Variants in C9orf50 observed in about 807,000 individuals in gnomAD.
C9orf50 encodes the protein chromosome 9 open reading frame 50, also known as uncharacterized protein C9orf50.
A neutral mutation model predicts 42.5 loss-of-function variants in C9orf50; 33 were observed. The ratio of observed to expected loss-of-function variants is 0.78; its 90% CI spans 0.59 to 1.04. C9orf50 has a LOEUF of 1.04. Among genes scored for constraint, C9orf50 ranks in the 50% least tolerant of loss-of-function variants. C9orf50 has a pLI of 0.00. For synonymous variants in C9orf50, 257 were observed against 273.4 expected (o/e 0.94, Z 0.59); for missense variants, 547 against 594.3 (o/e 0.92, Z 0.83).
chr9:129,613,783 T>C lies in C9orf50; in HGVS notation c.881-186A>G, dbSNP rs1399682695. Among the ~76,000 whole-genome samples, 2 of 152,144 alleles carry C rather than the reference T, an allele frequency of 1.3e-5. No homozygotes were observed. On this transcript the variant is annotated intron_variant, in intron 4 of 6. Coordinates refer to ENST00000372478, the Ensembl canonical transcript of C9orf50. The surrounding 1 kb of genome is among the most constrained non-coding windows in gnomAD (Gnocchi z 6.2). The stretch of plus-strand genomic sequence containing the variant: ...GTTTTAAAACCACCTTGCGTGACCA[T>C]TTCTGTTATACCCAAGCTGTGCCCC...
intron 4 of C9orf50, among the ~76,000 whole-genome samples, chr9:129,615,010 G>A (rs960873782): frequency 6.6e-6 from 1 of 152,248 alleles, no homozygotes; most frequent in African/African-American, 2.4e-5. Context: ...AGTGCCAACT[G>A]TCTCCAGGAG....
chr9:129,620,695 G>T lies in C9orf50; in HGVS notation c.-121C>A. 1.1e-6 allele frequency: 1 copy of T among 926,434 alleles called. No individual in the cohort carries two copies. Among genetic ancestry groups the T allele is most frequent in the Non-Finnish European group, 1.4e-6 (1 of 709,680 alleles). The allele number at this position is 926,434 out of a possible 1,614,324, so 57.4% of individuals were successfully genotyped here. On this transcript the variant is annotated 5_prime_UTR_variant, in exon 1 of 7. Coordinates refer to ENST00000372478, the Ensembl canonical transcript of C9orf50. This position sits in a 1 kb window ranked among gnomAD's most constrained non-coding sequence, Gnocchi z 5.8. ...TGCCCCGGGCGGGGCAGCGCGGTGC[G>T]GGGTGAACGCCACCGGCCCGGCGGA... is the stretch of plus-strand genomic sequence containing the variant.
chr9:129,613,728 G>T lies in C9orf50; in HGVS notation c.881-131C>A. The T allele has an allele frequency of 8.6e-7, 1 of 1,157,234 alleles. No homozygotes were observed. Among genetic ancestry groups the T allele is most frequent in the South Asian group, 1.5e-5 (1 of 67,078 alleles). The allele number at this position is 1,157,234 out of a possible 1,614,324, so 71.7% of individuals were successfully genotyped here. On this transcript the variant is annotated intron_variant, in intron 4 of 6. Transcript: ENST00000372478. This position sits in a 1 kb window ranked among gnomAD's most constrained non-coding sequence, Gnocchi z 6.2. ...CCATGGCAACCCCAGGCTCCCCAGC[G>T]CCTTCTGGCTGCCTCCAGAGAAGCC... is the stretch of plus-strand genomic sequence containing the variant.
rs1830199678 is a variant in C9orf50 at position 129,613,651 on chromosome 9, CCCCA to C, written c.881-58_881-55del. ...CTGCCCAGGAGGAGGGCACTGGTGC[CCCCA>C]CCCTCTTTTCCTCCCTCTGGCAGGC... On this transcript the variant is annotated intron_variant, in intron 4 of 6. Coordinates refer to ENST00000372478, the Ensembl canonical transcript of C9orf50. This position sits in a 1 kb window ranked among gnomAD's most constrained non-coding sequence, Gnocchi z 6.2. 6.2e-7 allele frequency: 1 copy of C among 1,604,690 alleles called. No homozygotes were observed. Among genetic ancestry groups the C allele is most frequent in the Admixed American group, 1.7e-5 (1 of 59,668 alleles).
At chr9:129,615,990 C>T (rs757654496) in intron 3 of C9orf50, among the ~76,000 whole-genome samples, 4 of 152,190 alleles carry the variant, frequency 2.6e-5, no homozygotes, top group Admixed American at 6.5e-5. Flanking sequence ...GAGCTGGCGC[C>T]CTCGCACGTA....
At position 129,617,107 on chromosome 9, in the gene C9orf50, C is replaced by T. The variant is rs900968420; in HGVS notation, c.717-1460G>A. Among the ~76,000 whole-genome samples the T allele has an allele frequency of 3.9e-5, 6 of 152,148 alleles. No homozygotes were observed. The South Asian group carries it at 8.3e-4, about 21-fold the overall frequency. Reference sequence around the variant, plus strand: ...AAAATCAGCCTCAAGGGCAAGGCTGCGGGAAGGCCTGCTTGACCCACCTAT... The same window carrying T: ...AAAATCAGCCTCAAGGGCAAGGCTGTGGGAAGGCCTGCTTGACCCACCTAT... On this transcript the variant is annotated intron_variant, in intron 3 of 6. Transcript: ENST00000372478.
At chr9:129,612,385 G>A in exon 7 of C9orf50, 1 of 1,613,538 alleles carries the variant, frequency 6.2e-7, no homozygotes, top group Non-Finnish European at 8.5e-7. Flanking sequence ...GAGGCCAGGA[G>A]GAGATGGTAC....
rs748854577 is a variant in C9orf50, at chr9:129,613,303, C to T, written c.1044-52G>A. On this transcript the variant is annotated intron_variant, in intron 5 of 6. Coordinates refer to ENST00000372478, the Ensembl canonical transcript of C9orf50. This position sits in a 1 kb window ranked among gnomAD's most constrained non-coding sequence, Gnocchi z 6.2. The stretch of plus-strand genomic sequence containing the variant: ...TCCTGGACTCTGAGTCCCCGGCCCA[C>T]CCATGGCTGGCAGGGCCCTTGAGGA... 1.9e-6 allele frequency: 3 copies of T among 1,568,338 alleles called. No individual in the cohort carries two copies. Among genetic ancestry groups the T allele is most frequent in the Non-Finnish European group, 2.6e-6 (3 of 1,155,780 alleles).
intron 3 of C9orf50, among the ~76,000 whole-genome samples, chr9:129,617,899 G>A (rs1234332855): frequency 6.6e-6 from 1 of 152,240 alleles, no homozygotes; most frequent in East Asian, 1.9e-4. Context: ...ACCAAGGCTG[G>A]TCTCAAACTC....
intron 3 of C9orf50, among the ~76,000 whole-genome samples, chr9:129,617,075 G>GA (rs61602308): frequency 4.5e-4 from 68 of 150,344 alleles, no homozygotes; most frequent in South Asian, 2.7e-3. Flanking sequence ...CAAAAAAAAA[G>GA]AAAAAAAAAA....
In C9orf50 at chr9:129,620,212, A is replaced by G. The variant is rs1461103055; in HGVS notation, c.363T>C (p.Pro121=). 1.4e-6 allele frequency: 2 copies of G among 1,382,378 alleles called. No individual in the cohort carries two copies. The highest frequency in any genetic ancestry group is 5.7e-5 in the East Asian group (2 of 34,840). 85.6% of individuals were successfully genotyped at this position (1,382,378 alleles called of 1,614,324 possible). A position where few individuals can be genotyped will look rare whatever the true frequency, so the allele number is the denominator to read the frequency against. The change falls in exon 1 of 7, where the codon CCT becomes CCC. Residue 121 remains proline (P), a synonymous_variant. Transcript: ENST00000372478. This position sits in a 1 kb window ranked among gnomAD's most constrained non-coding sequence, Gnocchi z 5.8. Reference sequence around the variant, plus strand: ...GCCTCCGGGGGCGCTCGCGCTCTCCAGGCCCTGGCTGCCTGGGCGCCGATT... The same window carrying G: ...GCCTCCGGGGGCGCTCGCGCTCTCCGGGCCCTGGCTGCCTGGGCGCCGATT...
In C9orf50 at chr9:129,613,335, C is replaced by T. The variant is rs1830178180; in HGVS notation, c.1044-84G>A. On this transcript the variant is annotated intron_variant, in intron 5 of 6. Transcript: ENST00000372478. This position sits in a 1 kb window ranked among gnomAD's most constrained non-coding sequence, Gnocchi z 6.2. ...CTGGCAGGGCCCTTGAGGACCCACACTGGCAACCCGCCTGCTGCTGGGTGG... is the reference window on the plus strand; with the variant it reads ...CTGGCAGGGCCCTTGAGGACCCACATTGGCAACCCGCCTGCTGCTGGGTGG... The T allele has an allele frequency of 6.4e-7, 1 of 1,566,460 alleles. No homozygotes were observed. The highest frequency in any genetic ancestry group is 8.7e-7 in the Non-Finnish European group (1 of 1,155,002).
rs1193235895 is a variant in C9orf50, at chr9:129,620,071, T to C, written c.504A>G (p.Pro168=). Residue 168 remains proline (P), a synonymous_variant, in exon 1 of 7, where the codon CCA becomes CCG. Transcript: ENST00000372478. The surrounding 1 kb of genome is among the most constrained non-coding windows in gnomAD (Gnocchi z 5.8). Reference sequence around the variant, plus strand: ...CCGGGCCCCGCGGGGCCTCACTCAGTGGCTCCGGCTCCTCGGCGCACTTCT... The same window carrying C: ...CCGGGCCCCGCGGGGCCTCACTCAGCGGCTCCGGCTCCTCGGCGCACTTCT... 32 of 1,449,474 alleles carry C rather than the reference T, an allele frequency of 2.2e-5. No individual in the cohort carries two copies. The highest frequency in any genetic ancestry group is 2.9e-5 in the Non-Finnish European group (32 of 1,099,320). The allele number at this position is 1,449,474 out of a possible 1,614,324, so 89.8% of individuals were successfully genotyped here.
chr9:129,618,915 C>T (rs1314056623), intron 3 of C9orf50, among the ~76,000 whole-genome samples: 1 of 149,694 alleles, frequency 6.7e-6, no homozygotes, highest in Non-Finnish European at 1.5e-5. Flanking sequence ...GGGGTTTCAC[C>T]GTGTTATCCA....
At chr9:129,615,325 C>A (rs770377536) in intron 4 of C9orf50, among the ~76,000 whole-genome samples, 159 bp downstream of exon 4, 5 of 152,360 alleles carry the variant, frequency 3.3e-5, no homozygotes, top group Non-Finnish European at 7.4e-5. Flanking sequence ...AACCTGACAT[C>A]CTCCAAGGAG....
chr9:129,613,692 G>T lies in C9orf50; in HGVS notation c.881-95C>A. On this transcript the variant is annotated intron_variant, in intron 4 of 6. Coordinates refer to ENST00000372478, the Ensembl canonical transcript of C9orf50. This position sits in a 1 kb window ranked among gnomAD's most constrained non-coding sequence, Gnocchi z 6.2. ...TCCCTCTGGCAGGCAGGGCCGGTCA[G>T]AGCCCTGTCTCCATGGCAACCCCAG... 1 of 1,504,116 alleles carries T rather than the reference G, an allele frequency of 6.6e-7. No individual in the cohort carries two copies. Among genetic ancestry groups the T allele is most frequent in the Non-Finnish European group, 9.0e-7 (1 of 1,105,300 alleles). 93.2% of individuals were successfully genotyped at this position (1,504,116 alleles called of 1,614,324 possible). A position where few individuals can be genotyped will look rare whatever the true frequency, so the allele number is the denominator to read the frequency against.
At chr9:129,616,024 G>C (rs986118221) in intron 3 of C9orf50, among the ~76,000 whole-genome samples, 3 of 152,196 alleles carry the variant, frequency 2.0e-5, no homozygotes, top group African/African-American at 7.2e-5. Flanking sequence ...GAGAGAATAA[G>C]AATGCCAGCC....
Position 129,620,427 on chromosome 9 carries a change from C to G in C9orf50, c.148G>C (p.Gly50Arg). 1 of 1,264,014 alleles carries G rather than the reference C, an allele frequency of 7.9e-7. No individual in the cohort carries two copies. The highest frequency in any genetic ancestry group is 1.0e-6 in the Non-Finnish European group (1 of 1,004,648). The allele number at this position is 1,264,014 out of a possible 1,614,324, so 78.3% of individuals were successfully genotyped here. Residue 50 changes from glycine to arginine, a missense_variant, in exon 1 of 7, where the codon GGG becomes CGG. By Grantham distance (125) the Gly-to-Arg change is moderately radical. Coordinates refer to ENST00000372478, the Ensembl canonical transcript of C9orf50. The surrounding 1 kb of genome is among the most constrained non-coding windows in gnomAD (Gnocchi z 5.8). ...CCGCCCCCCGGGATCCTCCAGTCCC[C>G]GGAGCCCCGCGCGCCCAGAGCCGCT...
rs1830664183 is a variant in C9orf50, at chr9:129,620,753, C to T, written c.-179G>A. 1 of 483,374 alleles carries T rather than the reference C, an allele frequency of 2.1e-6. No homozygotes were observed. The highest frequency in any genetic ancestry group is 3.5e-5 in the East Asian group (1 of 28,196). The allele number at this position is 483,374 out of a possible 1,614,324, so 29.9% of individuals were successfully genotyped here. A position where few individuals can be genotyped will look rare whatever the true frequency, so the allele number is the denominator to read the frequency against. On this transcript the variant is annotated 5_prime_UTR_variant, in exon 1 of 7. Coordinates refer to ENST00000372478, the Ensembl canonical transcript of C9orf50. The surrounding 1 kb of genome is among the most constrained non-coding windows in gnomAD (Gnocchi z 5.8). Reference sequence around the variant, plus strand: ...TGGCTTCAGGCGAGAGCTCCCAGAGCCTCTGTTTCCTCACCTGAAAAATGG... The same window carrying T: ...TGGCTTCAGGCGAGAGCTCCCAGAGTCTCTGTTTCCTCACCTGAAAAATGG...
Sources: allele counts gnomAD v4.1 joint callset (sites outside exome capture counted in the v4.1 genomes callset), GRCh38; gene constraint gnomAD v4.1.1; non-coding constraint Gnocchi (gnomAD v3.1); transcripts MANE v1.5; gene names NCBI Gene and HGNC (gene_info 2026-07-23, HGNC 2026-07-21).